The following DNAH11 variants were observed in gnomAD, a reference collection of about 807,000 sequenced individuals.
DNAH11 encodes the protein axonemal beta dynein heavy chain 11.
DNAH11 carries 442 observed loss-of-function variants against 526.0 expected under a neutral mutation model. The observed-to-expected ratio is 0.84, with a 90% CI of 0.78 to 0.91. The LOEUF (loss-of-function observed/expected upper bound fraction) is 0.91. Among genes scored for constraint, DNAH11 ranks in the 40% least tolerant of loss-of-function variants. The probability of loss-of-function intolerance (pLI) is 0.00; values close to 1 mark genes in which losing one functional copy is unlikely to be tolerated. For missense variants in DNAH11, 6,989 were observed against 5,448.7 expected, an observed-to-expected ratio of 1.28 and a Z score of -8.90; for synonymous variants, 2,461 against 1,935.9, an observed-to-expected ratio of 1.27 and a Z score of -7.12.
In DNAH11 at chr7:21,655,814, C is replaced by G. The variant is rs1394742295; in HGVS notation, c.4945-18C>G. The G allele has an allele frequency of 6.2e-7, 1 of 1,606,540 alleles. No individual in the cohort carries two copies. The highest frequency in any genetic ancestry group is 8.5e-7 in the Non-Finnish European group (1 of 1,175,356). ...ACAGTAAGAAATGTTCTTATCTTTT[C>G]TAATATTCTCATTTTAGGTAACATG... On this transcript the variant is annotated intron_variant, in intron 28 of 81. Transcript: ENST00000409508.
At chr7:21,613,886 G>C (rs1289540493) in intron 20 of DNAH11, among the ~76,000 whole-genome samples, 13 of 151,558 alleles carry the variant, frequency 8.6e-5, no homozygotes, top group African/African-American at 3.2e-4. Flanking sequence ...TCCCACCTCA[G>C]CCTCCCGAGT....
chr7:21,722,216 G>T (rs867515056), intron 44 of DNAH11, among the ~76,000 whole-genome samples: 3 of 152,156 alleles, frequency 2.0e-5, no homozygotes, highest in South Asian at 2.1e-4. Context: ...AAAGCTCAGA[G>T]GGGCAAAGTA....
At chr7:21,725,027 T>G (rs1194152585) in intron 44 of DNAH11, among the ~76,000 whole-genome samples, 1 of 43,436 alleles carries the variant, frequency 2.3e-5, no homozygotes, top group Non-Finnish European at 4.8e-5. Flanking sequence ...TTCTAGTTGT[T>G]GCTCACAGTT....
At chr7:21,683,272 G>A (rs1297541247) in intron 31 of DNAH11, among the ~76,000 whole-genome samples, 1 of 152,162 alleles carries the variant, frequency 6.6e-6, no homozygotes, top group Non-Finnish European at 1.5e-5. Context: ...TGAATGGTTA[G>A]GATTGAGTAG....
intron 61 of DNAH11, among the ~76,000 whole-genome samples, chr7:21,791,145 A>T (rs987172993): frequency 1.3e-5 from 2 of 152,190 alleles, no homozygotes; most frequent in Non-Finnish European, 2.9e-5. Context: ...GGTGCCTGGC[A>T]GGGCAGCCAG....
chr7:21,706,650 T>A (rs938142734), intron 39 of DNAH11, among the ~76,000 whole-genome samples: 3 of 152,224 alleles, frequency 2.0e-5, no homozygotes, highest in Non-Finnish European at 2.9e-5. Flanking sequence ...TTAATATTCC[T>A]AAGGCATTTA....
In DNAH11 at chr7:21,561,185, C is replaced by T. The variant is rs1469089609; in HGVS notation, c.982+15C>T. The T allele has an allele frequency of 1.9e-6, 3 of 1,551,150 alleles. No homozygotes were observed. Among genetic ancestry groups the T allele is most frequent in the South Asian group, 1.2e-5 (1 of 85,212 alleles). On this transcript the variant is annotated intron_variant, in intron 5 of 81. Coordinates refer to ENST00000409508, the MANE Select transcript of DNAH11 (RefSeq NM_001277115.2). ...TGTGGAAAATGGTAAGACTCTTGTT[C>T]CTCAGCCTGGCATCAATATCACCAT...
intron 28 of DNAH11, among the ~76,000 whole-genome samples, chr7:21,649,652 T>C (rs551629188): frequency 6.6e-6 from 1 of 151,364 alleles, no homozygotes; most frequent in South Asian, 2.1e-4. Context: ...GCTGGTATCC[T>C]ACTCTTTTTT....
chr7:21,547,464 T>C (rs941643407), intron 2 of DNAH11, among the ~76,000 whole-genome samples: 9 of 152,154 alleles, frequency 5.9e-5, no homozygotes, highest in African/African-American at 1.9e-4. Flanking sequence ...GTAATTTACT[T>C]CCTAGCATGT....
intron 6 of DNAH11, among the ~76,000 whole-genome samples, chr7:21,567,438 CA>C (rs1336552084): frequency 2.0e-5 from 3 of 152,148 alleles, no homozygotes; most frequent in Non-Finnish European, 2.9e-5. Flanking sequence ...AGGATCAATG[CA>C]GTGTTTTTAT....
intron 30 of DNAH11, among the ~76,000 whole-genome samples, chr7:21,665,702 A>G (rs970604): frequency 0.71 from 108,157 of 151,970 alleles, 38,579 homozygotes; most frequent in Admixed American, 0.78. Context: ...TGGATGAGAA[A>G]TAGAGAAAAG....
At chr7:21,795,416 T>C (rs1788666834) in intron 61 of DNAH11, among the ~76,000 whole-genome samples, 1 of 152,162 alleles carries the variant, frequency 6.6e-6, no homozygotes, top group Non-Finnish European at 1.5e-5. Context: ...ACTTGATCAG[T>C]TTCCCTGTTA....
chr7:21,726,009 G>A (rs1390022839), intron 45 of DNAH11, 25 bp downstream of exon 45: 2 of 1,506,202 alleles, frequency 1.3e-6, no homozygotes, highest in Non-Finnish European at 1.8e-6. Flanking sequence ...CATAGCAATT[G>A]TATTAGTCTG....
intron 9 of DNAH11, among the ~76,000 whole-genome samples, chr7:21,584,495 T>C (rs955622895): frequency 6.6e-6 from 1 of 152,092 alleles, no homozygotes; most frequent in African/African-American, 2.4e-5. Context: ...GGTTGATAGG[T>C]ACAGCAAACC....
chr7:21,860,299 A>G (rs1783008899), intron 68 of DNAH11, among the ~76,000 whole-genome samples: 2 of 148,996 alleles, frequency 1.3e-5, no homozygotes, highest in Non-Finnish European at 3.0e-5. Flanking sequence ...AAAAAAAAAG[A>G]TAACAAGTGT....
intron 65 of DNAH11, among the ~76,000 whole-genome samples, chr7:21,839,307 A>T (rs1286845314): frequency 6.6e-6 from 1 of 152,010 alleles, no homozygotes; most frequent in Non-Finnish European, 1.5e-5. Context: ...GGGTATGGTG[A>T]CTCACGCCTG....
At chr7:21,781,016 G>A (rs1251706511) in intron 57 of DNAH11, among the ~76,000 whole-genome samples, 1 of 152,152 alleles carries the variant, frequency 6.6e-6, no homozygotes, top group Admixed American at 6.5e-5. Flanking sequence ...GATATTCATG[G>A]AAGAAAGTTC....
intron 2 of DNAH11, among the ~76,000 whole-genome samples, chr7:21,550,127 C>G (rs1174396811): frequency 6.6e-6 from 1 of 151,744 alleles, no homozygotes; most frequent in Non-Finnish European, 1.5e-5. Flanking sequence ...TTACATTCGT[C>G]TTTTTTTCTC....
chr7:21,617,591 C>T, intron 22 of DNAH11, 28 bp from the exon 23 acceptor site: 1 of 1,612,400 alleles, frequency 6.2e-7, no homozygotes, highest in Non-Finnish European at 8.5e-7. Flanking sequence ...ATCTTGGGAG[C>T]TAGGTTTTTT....
Sources: allele counts gnomAD v4.1 joint callset (sites outside exome capture counted in the v4.1 genomes callset), GRCh38; gene constraint gnomAD v4.1.1; transcripts MANE v1.5; gene names NCBI Gene and HGNC (gene_info 2026-07-23, HGNC 2026-07-21).